Variants in RBFOX1 observed in about 807,000 individuals in gnomAD.
RBFOX1 encodes the protein RNA binding protein fox-1 homolog 1.
A neutral mutation model predicts 57.7 loss-of-function variants in RBFOX1; 8 were observed. That is an observed-to-expected ratio of 0.14 (90% CI 0.08 to 0.25). The LOEUF (loss-of-function observed/expected upper bound fraction) is 0.25. RBFOX1 is among the 10% of genes least tolerant of loss of function. The pLI, the probability that RBFOX1 is intolerant of heterozygous loss-of-function variation, is 1.00. For synonymous variants in RBFOX1, 326 were observed against 222.4 expected (o/e 1.47, Z -4.15); for missense variants, 611 against 548.5 (o/e 1.11, Z -1.14).
intron 4 of RBFOX1, among the ~76,000 whole-genome samples, chr16:7,420,024 G>C (rs1268391579): frequency 6.7e-6 from 1 of 149,902 alleles, no homozygotes; most frequent in African/African-American, 2.5e-5. Flanking sequence ...AATCATTAGT[G>C]ATATATGTTG....
chr16:5,415,164 A>T (rs1459300291), intron 1 of RBFOX1, among the ~76,000 whole-genome samples: 4 of 152,166 alleles, frequency 2.6e-5, no homozygotes, highest in Non-Finnish European at 5.9e-5. Flanking sequence ...GGTATTTTAT[A>T]AGCAAAAGAG....
intron 2 of RBFOX1, among the ~76,000 whole-genome samples, chr16:6,317,744 G>A (rs1056460934): frequency 5.9e-5 from 9 of 152,082 alleles, no homozygotes; most frequent in Non-Finnish European, 5.9e-5. Flanking sequence ...ATTTGGGGTA[G>A]CACCTTCACA....
chr16:7,581,336 G>T (rs1028906455), intron 6 of RBFOX1, among the ~76,000 whole-genome samples: 1 of 152,186 alleles, frequency 6.6e-6, no homozygotes, highest in Non-Finnish European at 1.5e-5. Context: ...GAGAGTCGAG[G>T]TTAAGTGTGT....
chr16:6,752,684 C>G (rs929228915), intron 3 of RBFOX1, among the ~76,000 whole-genome samples: 5 of 152,212 alleles, frequency 3.3e-5, no homozygotes, highest in African/African-American at 9.6e-5. Context: ...ACACACCTTT[C>G]TGCGTATCGG....
intron 3 of RBFOX1, among the ~76,000 whole-genome samples, chr16:6,757,813 T>C (rs895930145): frequency 2.0e-5 from 3 of 152,262 alleles, no homozygotes; most frequent in Non-Finnish European, 2.9e-5. Flanking sequence ...TCTCCAACCA[T>C]AGAAATGACA....
chr16:6,246,894 C>T (rs1014654116), intron 1 of RBFOX1, among the ~76,000 whole-genome samples: 1 of 152,198 alleles, frequency 6.6e-6, no homozygotes, highest in East Asian at 1.9e-4. Flanking sequence ...CATGGTGAAA[C>T]CCTGTCTCTA....
rs1026188566 is a variant in RBFOX1 at position 6,906,266 on chromosome 16, G to T, written c.-15-145791G>T. 2.0e-5 allele frequency among the ~76,000 whole-genome samples: 3 copies of T among 151,270 alleles called. No individual in the cohort carries two copies. The East Asian group carries it at 5.8e-4, about 29-fold the overall frequency. On this transcript the variant is annotated intron_variant, in intron 3 of 15. Coordinates refer to ENST00000550418, the MANE Select transcript of RBFOX1 (RefSeq NM_018723.4). Reference sequence around the variant, plus strand: ...CCCCCCCCAAAATATACATTGTCATGTGGAGCGGAAGGATTAAATATTTAT... The same window carrying T: ...CCCCCCCCAAAATATACATTGTCATTTGGAGCGGAAGGATTAAATATTTAT...
chr16:7,093,244 T>C (rs1201146964), intron 4 of RBFOX1, among the ~76,000 whole-genome samples: 3 of 152,236 alleles, frequency 2.0e-5, no homozygotes, highest in African/African-American at 7.2e-5. Flanking sequence ...CAGCAGACTC[T>C]GATTACTGTG....
At chr16:6,881,921 G>C (rs962592600) in intron 3 of RBFOX1, among the ~76,000 whole-genome samples, 1 of 152,176 alleles carries the variant, frequency 6.6e-6, no homozygotes, top group African/African-American at 2.4e-5. Context: ...TTAGATGTAG[G>C]CTCCTGCTGG....
chr16:7,215,028 C>T (rs2091802711), intron 4 of RBFOX1, among the ~76,000 whole-genome samples: 1 of 152,124 alleles, frequency 6.6e-6, no homozygotes, highest in African/African-American at 2.4e-5. Flanking sequence ...CATGCATTAG[C>T]TATTTGTCCT....
chr16:6,628,791 A>C (rs573778527), intron 2 of RBFOX1, among the ~76,000 whole-genome samples: 3 of 152,172 alleles, frequency 2.0e-5, no homozygotes, highest in Non-Finnish European at 4.4e-5. Flanking sequence ...CATTCTTCCA[A>C]AGTTTAGGTA....
chr16:6,394,768 C>G (rs955512692), intron 2 of RBFOX1, among the ~76,000 whole-genome samples: 2 of 151,980 alleles, frequency 1.3e-5, no homozygotes, highest in African/African-American at 2.4e-5. Context: ...GCTTGTCTAC[C>G]AAAACAGCTC....
intron 4 of RBFOX1, among the ~76,000 whole-genome samples, chr16:7,457,313 C>T (rs1323180697): frequency 6.6e-6 from 1 of 152,134 alleles, no homozygotes; most frequent in Non-Finnish European, 1.5e-5. Flanking sequence ...CGATCTGTGT[C>T]CTGGGTGCTG....
rs1025482223 is a variant in RBFOX1, at chr16:5,704,559, C to T, written c.318+105598C>T. Among the ~76,000 whole-genome samples, 5 of 152,154 alleles carry T rather than the reference C, an allele frequency of 3.3e-5. No homozygotes were observed. The East Asian group carries it at 5.8e-4, about 18-fold the overall frequency. ...ATTCAGCAGTCACACCGTTATTCCT[C>T]GGAGATAAATCATCCCTGGTTTATT... is the stretch of plus-strand genomic sequence containing the variant. On this transcript the variant is annotated intron_variant, in intron 3 of 19. Transcript: ENST00000641259.
chr16:7,095,923 G>A (rs953890843), intron 4 of RBFOX1, among the ~76,000 whole-genome samples: 2 of 148,658 alleles, frequency 1.3e-5, no homozygotes, highest in Non-Finnish European at 3.0e-5. Flanking sequence ...TGAGGCAGGA[G>A]AATGGCATGA....
chr16:7,321,069 A>C (rs529956519), intron 4 of RBFOX1, among the ~76,000 whole-genome samples: 1 of 150,370 alleles, frequency 6.7e-6, no homozygotes, highest in Non-Finnish European at 1.5e-5. Flanking sequence ...CTATCTGTCT[A>C]TCTATACGTA....
At chr16:6,083,206 A>T (rs1597131415) in intron 1 of RBFOX1, among the ~76,000 whole-genome samples, 1 of 151,944 alleles carries the variant, frequency 6.6e-6, no homozygotes, top group Non-Finnish European at 1.5e-5. Context: ...TTTCACCATG[A>T]TGGCCAAGCT....
chr16:5,428,982 A>G (rs1325009169), intron 1 of RBFOX1, among the ~76,000 whole-genome samples: 5 of 151,630 alleles, frequency 3.3e-5, no homozygotes, highest in Admixed American at 3.3e-4. Flanking sequence ...CTTCCTAACA[A>G]CCCTCCGACC....
chr16:7,010,811 C>A (rs1249473416), intron 3 of RBFOX1, among the ~76,000 whole-genome samples: 1 of 152,080 alleles, frequency 6.6e-6, no homozygotes, highest in Non-Finnish European at 1.5e-5. Context: ...GTGATCTACC[C>A]ATCTCTGCCT....
Sources: allele counts gnomAD v4.1 joint callset (sites outside exome capture counted in the v4.1 genomes callset), GRCh38; gene constraint gnomAD v4.1.1; transcripts MANE v1.5; gene names NCBI Gene and HGNC (gene_info 2026-07-23, HGNC 2026-07-21).